DLGAP2: variants seen among roughly 807,000 people sequenced by gnomAD.
DLGAP2 encodes disks large-associated protein 2.
In DLGAP2, 26 loss-of-function variants were observed where a neutral mutation model predicts 100.3. The ratio of observed to expected loss-of-function variants is 0.26; its 90% CI spans 0.19 to 0.36. DLGAP2 has a LOEUF of 0.36. DLGAP2 is among the 10% of genes least tolerant of loss of function. DLGAP2 has a pLI of 1.00. For missense variants in DLGAP2, 1,858 were observed against 1,453.2 expected, an observed-to-expected ratio of 1.28 and a Z score of -4.53; for synonymous variants, 886 against 630.1, an observed-to-expected ratio of 1.41 and a Z score of -6.08.
chr8:925,626 C>T (rs1294390832), intron 2 of DLGAP2, among the ~76,000 whole-genome samples: 6 of 152,026 alleles, frequency 3.9e-5, no homozygotes, highest in South Asian at 4.1e-4. Flanking sequence ...AAGTGGAAGT[C>T]GTTGGATATA....
In DLGAP2 at chr8:1,691,548, C is replaced by T. The variant is rs925401163; in HGVS notation, c.2718C>T (p.Ile906=). 3 of 1,613,868 alleles carry T rather than the reference C, an allele frequency of 1.9e-6. No individual in the cohort carries two copies. The South Asian group carries it at 3.3e-5, about 18-fold the overall frequency. The change falls in exon 13 of 15, where the codon ATC becomes ATT. Residue 906 remains isoleucine, a synonymous_variant. Coordinates refer to ENST00000637795, the MANE Select transcript of DLGAP2 (RefSeq NM_001346810.2). ...NDLSEEILGK[I]RSAVGSAQLL... Reference sequence around the variant, plus strand: ...TGTTTTAAACAGTTCTCGGTAAAATCAGGAGTGCTGTTGGGAGTGCCCAGC... The same window carrying T: ...TGTTTTAAACAGTTCTCGGTAAAATTAGGAGTGCTGTTGGGAGTGCCCAGC...
chr8:1,409,785 C>A (rs1469566360), intron 3 of DLGAP2, among the ~76,000 whole-genome samples: 1 of 152,150 alleles, frequency 6.6e-6, no homozygotes, highest in Non-Finnish European at 1.5e-5. Context: ...TGAGCTGGGA[C>A]CTTCATCTTC....
At chr8:1,299,354 C>G (rs1563069136) in intron 3 of DLGAP2, among the ~76,000 whole-genome samples, 1 of 152,336 alleles carries the variant, frequency 6.6e-6, no homozygotes, top group Non-Finnish European at 1.5e-5. Flanking sequence ...AGGGAATAAA[C>G]AAGTGTGAAA....
intron 2 of DLGAP2, among the ~76,000 whole-genome samples, chr8:1,082,332 G>A (rs142662483): frequency 2.6e-3 from 390 of 152,154 alleles, no homozygotes; most frequent in African/African-American, 8.6e-3. Context: ...ATTTTACCCC[G>A]TTGAGTCTTC....
At chr8:1,178,972 G>T (rs573790448) in intron 2 of DLGAP2, among the ~76,000 whole-genome samples, 1 of 146,474 alleles carries the variant, frequency 6.8e-6, no homozygotes, top group Non-Finnish European at 1.5e-5. Context: ...CTCGTCTCCA[G>T]TTCACCAGCT....
chr8:1,241,828 T>G (rs1178428792), intron 2 of DLGAP2, among the ~76,000 whole-genome samples: 1 of 152,220 alleles, frequency 6.6e-6, no homozygotes, highest in East Asian at 1.9e-4. Flanking sequence ...CTCTTAAATC[T>G]TATGAGTTAA....
At chr8:837,477 C>G (rs904953845) in intron 1 of DLGAP2, among the ~76,000 whole-genome samples, 27 of 152,058 alleles carry the variant, frequency 1.8e-4, no homozygotes, top group African/African-American at 6.5e-4. Flanking sequence ...TCTCAGAATC[C>G]TTCTTTTCAA....
intron 3 of DLGAP2, among the ~76,000 whole-genome samples, chr8:1,376,952 C>G (rs1010645187): frequency 6.6e-6 from 1 of 152,228 alleles, no homozygotes; most frequent in Admixed American, 6.5e-5. Flanking sequence ...GGAATGGGAA[C>G]TGATTTGTAA....
chr8:879,991 C>T (rs1797756865), intron 1 of DLGAP2, among the ~76,000 whole-genome samples: 1 of 152,200 alleles, frequency 6.6e-6, no homozygotes, highest in Non-Finnish European at 1.5e-5. Context: ...TTGATCTCAG[C>T]AACCAGTGGG....
In DLGAP2 at chr8:1,183,376, A is replaced by C. The variant is rs1390281339; in HGVS notation, c.74-75475A>C. Among the ~76,000 whole-genome samples, 3 of 152,364 alleles carry C rather than the reference A, an allele frequency of 2.0e-5. No individual in the cohort carries two copies. The South Asian group carries it at 6.2e-4, about 32-fold the overall frequency. On this transcript the variant is annotated intron_variant, in intron 2 of 14. Coordinates refer to ENST00000637795, the MANE Select transcript of DLGAP2 (RefSeq NM_001346810.2). Reference sequence around the variant, plus strand: ...TTTACTTTTAGATTATAGATGTGGCAGTGCTTGGTGTGTGCAAGTGTGTTT... The same window carrying C: ...TTTACTTTTAGATTATAGATGTGGCCGTGCTTGGTGTGTGCAAGTGTGTTT...
chr8:742,351 C>G (rs1820507658), intron 1 of DLGAP2, among the ~76,000 whole-genome samples: 1 of 152,208 alleles, frequency 6.6e-6, no homozygotes, highest in African/African-American at 2.4e-5. Flanking sequence ...ACCTGTGAAT[C>G]TGACTGATCG....
At chr8:1,338,582 A>G (rs1423756506) in intron 3 of DLGAP2, among the ~76,000 whole-genome samples, 1 of 152,254 alleles carries the variant, frequency 6.6e-6, no homozygotes, top group Non-Finnish European at 1.5e-5. Context: ...CTTTGTGAAT[A>G]TATAAAACCA....
At chr8:1,178,189 A>G (rs866761729) in intron 2 of DLGAP2, among the ~76,000 whole-genome samples, 22 of 152,362 alleles carry the variant, frequency 1.4e-4, no homozygotes, top group African/African-American at 4.6e-4. Context: ...ATTCAGGAAG[A>G]TAGTAGTTAA....
intron 2 of DLGAP2, among the ~76,000 whole-genome samples, chr8:1,088,446 T>C (rs1177383168): frequency 6.6e-6 from 1 of 152,168 alleles, no homozygotes; most frequent in East Asian, 1.9e-4. Flanking sequence ...AGTTGACCAG[T>C]AACACTGCCG....
rs146817328 is a variant in DLGAP2, at chr8:1,637,155, C to T, written c.1810+4109C>T. 1.0e-3 allele frequency among the ~76,000 whole-genome samples: 157 copies of T among 152,310 alleles called. 2 individuals carry two copies. Among genetic ancestry groups the T allele is most frequent in the South Asian group, 1.0e-2 (48 of 4,824 alleles). On this transcript the variant is annotated intron_variant, in intron 8 of 14. Coordinates refer to ENST00000637795, the MANE Select transcript of DLGAP2 (RefSeq NM_001346810.2). ...CTTTCCAGGTCCACATACCTCTGAC[C>T]GGGCCCTTCACCCTCCTATCCTCCT...
At chr8:1,670,102 C>T (rs557339111) in intron 10 of DLGAP2, among the ~76,000 whole-genome samples, 7 of 152,304 alleles carry the variant, frequency 4.6e-5, no homozygotes, top group African/African-American at 1.7e-4. Context: ...AGCCAGGTGA[C>T]TTCCCATTGC....
At chr8:1,117,524 A>G (rs550139388) in intron 2 of DLGAP2, among the ~76,000 whole-genome samples, 3 of 151,790 alleles carry the variant, frequency 2.0e-5, no homozygotes, top group African/African-American at 7.3e-5. Flanking sequence ...CTGAACCAAG[A>G]CGGCCTTTTC....
At chr8:1,171,999 C>G (rs1248489810) in intron 2 of DLGAP2, among the ~76,000 whole-genome samples, 3 of 152,108 alleles carry the variant, frequency 2.0e-5, no homozygotes, top group Non-Finnish European at 4.4e-5. Context: ...TACATTTTGG[C>G]ATGATTTTGC....
At chr8:952,487 AT>A (rs1036855314) in intron 2 of DLGAP2, among the ~76,000 whole-genome samples, 3 of 152,158 alleles carry the variant, frequency 2.0e-5, no homozygotes, top group African/African-American at 7.2e-5. Flanking sequence ...AAATACAAAA[AT>A]TAGTTGGGTG....
Sources: allele counts gnomAD v4.1 joint callset (sites outside exome capture counted in the v4.1 genomes callset), GRCh38; gene constraint gnomAD v4.1.1; transcripts MANE v1.5; gene names NCBI Gene and HGNC (gene_info 2026-07-23, HGNC 2026-07-21).